The following GRM7 variants were observed in gnomAD, a reference collection of about 807,000 sequenced individuals.
GRM7 encodes the protein metabotropic glutamate receptor 7.
Under a neutral mutation model 84.5 loss-of-function variants are expected in GRM7, and 35 were observed. The ratio of observed to expected loss-of-function variants is 0.41; its 90% CI spans 0.32 to 0.55. The LOEUF is 0.55. GRM7 is among the 20% of genes least tolerant of loss of function. GRM7 has a pLI of 0.19. For synonymous variants in GRM7, 487 were observed against 455.1 expected (o/e 1.07, Z -0.89); for missense variants, 1,003 against 1,194.6 (o/e 0.84, Z 2.36).
At position 7,179,253 on chromosome 3, in the gene GRM7, G is replaced by A. The variant is rs530898643; in HGVS notation, c.736+32585G>A. ...TGACTCCCTAACTCCCAACTGCACC[G>A]ACACAAAACACCATGGGGCATGAGC... On this transcript the variant is annotated intron_variant, in intron 2 of 9. Transcript: ENST00000357716. 1.2e-4 allele frequency among the ~76,000 whole-genome samples: 19 copies of A among 152,244 alleles called. 1 individual carries two copies. The South Asian group carries it at 2.1e-3, about 17-fold the overall frequency.
intron 7 of GRM7, among the ~76,000 whole-genome samples, chr3:7,499,282 A>G (rs1458297621): frequency 6.6e-6 from 1 of 152,134 alleles, no homozygotes; most frequent in Non-Finnish European, 1.5e-5. Context: ...TTCCTAACCT[A>G]GCCTTGGGAG....
intron 8 of GRM7, among the ~76,000 whole-genome samples, chr3:7,643,769 G>A (rs568219723): frequency 6.6e-6 from 1 of 152,228 alleles, no homozygotes; most frequent in African/African-American, 2.4e-5. Context: ...CACAATTATT[G>A]TCCCACAGTG....
intron 1 of GRM7, among the ~76,000 whole-genome samples, chr3:7,139,521 G>A (rs1693877723): frequency 6.6e-6 from 1 of 151,880 alleles, no homozygotes; most frequent in Non-Finnish European, 1.5e-5. Flanking sequence ...TTGGATGTTT[G>A]GAAATGTATT....
At chr3:6,911,474 C>T (rs770761314) in intron 1 of GRM7, among the ~76,000 whole-genome samples, 7 of 152,000 alleles carry the variant, frequency 4.6e-5, no homozygotes, top group Non-Finnish European at 1.0e-4. Flanking sequence ...TCTTATGTGT[C>T]CATCAGAGTT....
chr3:7,383,559 C>T (rs750627002), intron 4 of GRM7, among the ~76,000 whole-genome samples: 2 of 152,100 alleles, frequency 1.3e-5, no homozygotes, highest in Non-Finnish European at 2.9e-5. Flanking sequence ...TAATATTTAC[C>T]TATCAGATAA....
At chr3:6,905,109 C>T (rs1696522689) in intron 1 of GRM7, among the ~76,000 whole-genome samples, 1 of 152,012 alleles carries the variant, frequency 6.6e-6, no homozygotes, top group Non-Finnish European at 1.5e-5. Flanking sequence ...CTTCATTCTT[C>T]CAGAATTAAT....
intron 8 of GRM7, among the ~76,000 whole-genome samples, chr3:7,676,270 A>G (rs1700117765): frequency 6.6e-6 from 1 of 152,102 alleles, no homozygotes; most frequent in Non-Finnish European, 1.5e-5. Context: ...ACCAAAAGCC[A>G]AAGAGTCAGT....
intron 2 of GRM7, among the ~76,000 whole-genome samples, chr3:7,246,952 G>A (rs988503770): frequency 1.1e-4 from 16 of 151,958 alleles, no homozygotes; most frequent in East Asian, 5.8e-4. Context: ...GTATTACATC[G>A]GCATAACGAT....
intron 2 of GRM7, among the ~76,000 whole-genome samples, chr3:7,283,372 C>T (rs375274362): frequency 6.6e-6 from 1 of 150,662 alleles, no homozygotes; most frequent in Admixed American, 6.6e-5. Context: ...ATGCTAAATG[C>T]TCATTAAAGG....
At chr3:7,546,048 GTTA>G (rs760973283) in intron 7 of GRM7, among the ~76,000 whole-genome samples, 3 of 152,196 alleles carry the variant, frequency 2.0e-5, no homozygotes, top group East Asian at 1.9e-4. Context: ...TTACTAATTA[GTTA>G]TTATTATCAT....
chr3:7,420,940 A>C (rs1249540182), intron 5 of GRM7, among the ~76,000 whole-genome samples: 1 of 152,178 alleles, frequency 6.6e-6, no homozygotes, highest in Admixed American at 6.5e-5. Flanking sequence ...CACATCTAAA[A>C]TCCTCATTGT....
At chr3:7,030,479 G>A (rs940003858) in intron 1 of GRM7, among the ~76,000 whole-genome samples, 1 of 152,140 alleles carries the variant, frequency 6.6e-6, no homozygotes, top group Non-Finnish European at 1.5e-5. Context: ...GAAGTTTGTT[G>A]GATTTCAATT....
At chr3:6,889,227 T>G (rs1202309580) in intron 1 of GRM7, among the ~76,000 whole-genome samples, 3 of 152,104 alleles carry the variant, frequency 2.0e-5, no homozygotes, top group Non-Finnish European at 4.4e-5. Flanking sequence ...CTTTATTTCC[T>G]TCTCCTGCCT....
intron 7 of GRM7, among the ~76,000 whole-genome samples, chr3:7,490,075 A>G (rs1480751042): frequency 6.6e-6 from 1 of 152,116 alleles, no homozygotes; most frequent in Non-Finnish European, 1.5e-5. Flanking sequence ...TTATACAATT[A>G]TAACAGAAAA....
chr3:7,706,970 T>G (rs1394680939), intron 9 of GRM7, among the ~76,000 whole-genome samples: 6 of 146,570 alleles, frequency 4.1e-5, no homozygotes, highest in African/African-American at 1.5e-4. Context: ...AAATTCTTTA[T>G]GTATAATATA....
intron 1 of GRM7, among the ~76,000 whole-genome samples, chr3:6,950,650 A>C (rs573472695): frequency 2.6e-5 from 4 of 152,212 alleles, no homozygotes; most frequent in Non-Finnish European, 4.4e-5. Flanking sequence ...CCCTGCCCCC[A>C]GAGGTGGAGC....
In GRM7 at chr3:6,861,924, T is replaced by A. The variant is rs940983748; in HGVS notation, c.519+17T>A. On this transcript the variant is annotated intron_variant, in intron 1 of 9. Coordinates refer to ENST00000357716, the MANE Select transcript of GRM7 (RefSeq NM_000844.4). The surrounding 1 kb of genome is among the most constrained non-coding windows in gnomAD (Gnocchi z 6.4). ...CTCTTCCAGGTAGGGATGCGCTCCC[T>A]CCGGGGCGGAGCACACAGTGGCTAC... The A allele has an allele frequency of 1.3e-6, 2 of 1,592,346 alleles. No homozygotes were observed. Among genetic ancestry groups the A allele is most frequent in the Admixed American group, 3.4e-5 (2 of 59,060 alleles).
intron 2 of GRM7, among the ~76,000 whole-genome samples, chr3:7,191,543 C>T (rs1440614414): frequency 1.3e-5 from 2 of 151,638 alleles, no homozygotes; most frequent in Non-Finnish European, 2.9e-5. Flanking sequence ...AACAAACAAA[C>T]TTGGAATACT....
At chr3:6,977,528 C>G (rs1208069748) in intron 1 of GRM7, among the ~76,000 whole-genome samples, 1 of 152,140 alleles carries the variant, frequency 6.6e-6, no homozygotes, top group Non-Finnish European at 1.5e-5. Flanking sequence ...AATTTAGATT[C>G]AGCAATGCCA....
Sources: allele counts gnomAD v4.1 joint callset (sites outside exome capture counted in the v4.1 genomes callset), GRCh38; gene constraint gnomAD v4.1.1; non-coding constraint Gnocchi (gnomAD v3.1); transcripts MANE v1.5; gene names NCBI Gene and HGNC (gene_info 2026-07-23, HGNC 2026-07-21).